Variants in RFTN2 observed in about 807,000 individuals in gnomAD.
The protein encoded by RFTN2 is raftlin-2.
In RFTN2, 34 loss-of-function variants were observed where a neutral mutation model predicts 52.7. The observed-to-expected ratio is 0.64, with a 90% CI of 0.49 to 0.86. The LOEUF (loss-of-function observed/expected upper bound fraction) is 0.86, where lower values mean the gene tolerates loss of function less well. Among genes scored for constraint, RFTN2 ranks in the 40% least tolerant of loss-of-function variants. RFTN2 has a pLI of 0.00. For missense variants in RFTN2, 536 were observed against 600.1 expected (o/e 0.89, Z 1.12); for synonymous variants, 203 against 217.7 (o/e 0.93, Z 0.59).
rs1228361795 is a variant in RFTN2 at position 197,587,523 on chromosome 2, AC to A, written c.1233+8467del. ...AAGTTCCCCCACTGAGCACCTTGTG[AC>A]CCCCCACCCCTGCCCGCCAGAGAAC... On this transcript the variant is annotated intron_variant, in intron 8 of 8. Coordinates refer to ENST00000295049, the MANE Select transcript of RFTN2 (RefSeq NM_144629.3). Among the ~76,000 whole-genome samples the A allele has an allele frequency of 8.0e-5, 12 of 150,112 alleles. No individual in the cohort carries two copies. In the South Asian group the frequency reaches 2.1e-3, roughly 27 times the overall value.
At chr2:197,602,243 G>T (rs1032571288) in intron 7 of RFTN2, among the ~76,000 whole-genome samples, 175 of 150,642 alleles carry the variant, frequency 1.2e-3, no homozygotes, top group Non-Finnish European at 2.1e-3. Flanking sequence ...TTTTTTTTTT[G>T]TGTTTTTAGT....
At chr2:197,588,820 T>C (rs2087642380) in intron 8 of RFTN2, among the ~76,000 whole-genome samples, 2 of 152,166 alleles carry the variant, frequency 1.3e-5, no homozygotes, top group Non-Finnish European at 1.5e-5. Flanking sequence ...GTAGCTCCCA[T>C]AACTTCCACG....
At chr2:197,590,448 C>G (rs2087685353) in intron 8 of RFTN2, among the ~76,000 whole-genome samples, 1 of 152,092 alleles carries the variant, frequency 6.6e-6, no homozygotes, top group East Asian at 1.9e-4. Flanking sequence ...TCCATAACTT[C>G]CGAAGAAAAA....
intron 7 of RFTN2, among the ~76,000 whole-genome samples, chr2:197,612,509 T>C (rs2088080106): frequency 1.3e-5 from 2 of 152,220 alleles, no homozygotes; most frequent in South Asian, 4.1e-4. Context: ...CTCAGCTGGT[T>C]TGGTCCTCCA....
intron 3 of RFTN2, among the ~76,000 whole-genome samples, chr2:197,640,505 A>C (rs1406071839): frequency 9.4e-3 from 1,113 of 118,806 alleles, no homozygotes; most frequent in Non-Finnish European, 0.013. Flanking sequence ...TTTCCAGGTG[A>C]GTCCGTCACC....
At chr2:197,626,860 C>A (rs578197207) in intron 5 of RFTN2, among the ~76,000 whole-genome samples, 1 of 151,864 alleles carries the variant, frequency 6.6e-6, no homozygotes, top group Non-Finnish European at 1.5e-5. Flanking sequence ...CCTCGTAATC[C>A]GCCCACCCCA....
chr2:197,675,269 A>G, intron 1 of RFTN2, 51 bp downstream of exon 1: 1 of 1,418,268 alleles, frequency 7.1e-7, no homozygotes, highest in Non-Finnish European at 9.5e-7. Context: ...AAAAATGACT[A>G]GTAGTCTCAT....
chr2:197,644,025 C>T (rs373007644), intron 3 of RFTN2, 133 bp downstream of exon 3: 25 of 652,410 alleles, frequency 3.8e-5, no homozygotes, highest in East Asian at 3.6e-4. Flanking sequence ...ACAAGTACTT[C>T]GATATGTTTT....
In RFTN2 at chr2:197,584,469, C is replaced by A. The variant is rs1248718007; in HGVS notation, c.1233+11522G>T. 3.3e-5 allele frequency among the ~76,000 whole-genome samples: 5 copies of A among 151,944 alleles called. No homozygotes were observed. In the East Asian group the frequency reaches 5.8e-4, roughly 18 times the overall value. On this transcript the variant is annotated intron_variant, in intron 8 of 8. Transcript: ENST00000295049. ...CACTTTTTGATAGGGTTGTTTTTTT[C>A]TTGTAAATTTGTTTGAGTTCATTGT...
At chr2:197,602,526 G>T (rs1249582865) in intron 7 of RFTN2, among the ~76,000 whole-genome samples, 3 of 151,612 alleles carry the variant, frequency 2.0e-5, no homozygotes, top group Non-Finnish European at 4.4e-5. Context: ...CATTCTTTAA[G>T]ATATAAAAGC....
intron 5 of RFTN2, among the ~76,000 whole-genome samples, chr2:197,622,303 A>T (rs1574715832): frequency 6.6e-6 from 1 of 152,050 alleles, no homozygotes; most frequent in Admixed American, 6.6e-5. Flanking sequence ...ATTTTTATTT[A>T]TTATTTATTT....
chr2:197,590,298 A>T (rs2087682235), intron 8 of RFTN2, among the ~76,000 whole-genome samples: 1 of 152,184 alleles, frequency 6.6e-6, no homozygotes, highest in Non-Finnish European at 1.5e-5. Flanking sequence ...AATTCTCTTA[A>T]TAGCTTAGAG....
At chr2:197,585,177 G>A (rs1182117725) in intron 8 of RFTN2, among the ~76,000 whole-genome samples, 2 of 152,108 alleles carry the variant, frequency 1.3e-5, no homozygotes, top group Admixed American at 6.6e-5. Flanking sequence ...TAACCCTCAT[G>A]AGCCTAATAC....
chr2:197,644,027 A>T (rs1574737623), intron 3 of RFTN2, 131 bp downstream of exon 3: 2 of 660,414 alleles, frequency 3.0e-6, no homozygotes, highest in East Asian at 5.6e-5. Context: ...AAGTACTTCG[A>T]TATGTTTTAA....
intron 7 of RFTN2, among the ~76,000 whole-genome samples, chr2:197,609,602 A>G (rs1195702250): frequency 6.6e-6 from 1 of 152,188 alleles, no homozygotes; most frequent in Non-Finnish European, 1.5e-5. Context: ...CTCTGCTGAT[A>G]GTTTCTTTTG....
chr2:197,594,571 G>T (rs1200149401), intron 8 of RFTN2, among the ~76,000 whole-genome samples: 1 of 152,148 alleles, frequency 6.6e-6, no homozygotes, highest in African/African-American at 2.4e-5. Flanking sequence ...GGTTCAAGCA[G>T]TTCTCCCACT....
At chr2:197,625,738 CCTCCT>C (rs1245431431) in intron 5 of RFTN2, among the ~76,000 whole-genome samples, 30 of 139,974 alleles carry the variant, frequency 2.1e-4, no homozygotes, top group Non-Finnish European at 4.1e-4. Flanking sequence ...CTTCCCCTCC[CCTCCT>C]CTCCCCTCCC....
At position 197,600,111 on chromosome 2, in the gene RFTN2, G is replaced by A. The variant is rs568261434; in HGVS notation, c.1155-4042C>T. ...TGATATCAGGTGATCCACCTGCCTC[G>A]GCCTCCCAAAGTGCCAGGATTACAG... On this transcript the variant is annotated intron_variant, in intron 7 of 8. Transcript: ENST00000295049. Among the ~76,000 whole-genome samples, 8 of 152,046 alleles carry A rather than the reference G, an allele frequency of 5.3e-5. No individual in the cohort carries two copies. In the South Asian group the frequency reaches 1.7e-3, roughly 32 times the overall value.
At chr2:197,584,925 G>A (rs1001963812) in intron 8 of RFTN2, among the ~76,000 whole-genome samples, 1 of 152,094 alleles carries the variant, frequency 6.6e-6, no homozygotes, top group South Asian at 2.1e-4. Context: ...CTAGCTGGAC[G>A]ATCAGTTCTT....
Sources: gnomAD v4.1 joint callset for allele counts (sites outside exome capture counted in the v4.1 genomes callset) on GRCh38, gnomAD v4.1.1 for gene constraint, MANE v1.5 for transcripts, NCBI Gene and HGNC (gene_info 2026-07-23, HGNC 2026-07-21) for gene names.